CPNE4: variants seen among roughly 807,000 people sequenced by gnomAD.
CPNE4 encodes the protein copine 4.
In CPNE4, 25 loss-of-function variants were observed where a neutral mutation model predicts 67.9. The observed-to-expected ratio is 0.37, with a 90% CI of 0.27 to 0.51. The LOEUF is 0.51. Ranked by LOEUF, CPNE4 falls within the 20% of genes least tolerant of loss-of-function variation. The pLI is 0.93. For synonymous variants in CPNE4, 242 were observed against 244.9 expected, an observed-to-expected ratio of 0.99 and a Z score of 0.11; for missense variants, 464 against 690.8, an observed-to-expected ratio of 0.67 and a Z score of 3.68.
intron 7 of CPNE4, among the ~76,000 whole-genome samples, chr3:131,594,724 G>A (rs937441053): frequency 1.3e-5 from 2 of 152,068 alleles, no homozygotes; most frequent in Non-Finnish European, 2.9e-5. Flanking sequence ...AAAAAGCTTC[G>A]GCACAGAAAG....
At chr3:131,773,908 A>C (rs2083230752) in intron 2 of CPNE4, among the ~76,000 whole-genome samples, 1 of 152,178 alleles carries the variant, frequency 6.6e-6, no homozygotes, top group African/African-American at 2.4e-5. Context: ...TTAATACTGT[A>C]TTAAGTTTCT....
In CPNE4 at chr3:131,619,737, C is replaced by T. The variant is rs1940360316; in HGVS notation, c.682-32155G>A. 3.3e-5 allele frequency among the ~76,000 whole-genome samples: 5 copies of T among 152,084 alleles called. No individual in the cohort carries two copies. The South Asian group carries it at 1.0e-3, about 32-fold the overall frequency. Reference sequence around the variant, plus strand: ...TTATTACACACTTAGATTCCAAAGCCCTTGCCAAGACTTAGAATAAGAATT... The same window carrying T: ...TTATTACACACTTAGATTCCAAAGCTCTTGCCAAGACTTAGAATAAGAATT... On this transcript the variant is annotated intron_variant, in intron 7 of 15. Transcript: ENST00000429747.
chr3:131,685,361 G>A (rs1397935791), intron 6 of CPNE4, among the ~76,000 whole-genome samples: 1 of 151,752 alleles, frequency 6.6e-6, no homozygotes, highest in Non-Finnish European at 1.5e-5. Context: ...AATAGAAATT[G>A]GGGTTAGAAA....
intron 2 of CPNE4, among the ~76,000 whole-genome samples, chr3:131,852,637 T>A (rs955118580): frequency 6.6e-6 from 1 of 151,752 alleles, no homozygotes; most frequent in Non-Finnish European, 1.5e-5. Context: ...CTCCATCTTT[T>A]CAATAGTGTA....
chr3:131,746,172 A>T (rs190938428), intron 2 of CPNE4, among the ~76,000 whole-genome samples: 1 of 152,274 alleles, frequency 6.6e-6, no homozygotes, highest in African/African-American at 2.4e-5. Flanking sequence ...GTACATATTT[A>T]TGGGGTACAA....
At chr3:131,655,431 C>T (rs557769645) in intron 7 of CPNE4, among the ~76,000 whole-genome samples, 2 of 152,250 alleles carry the variant, frequency 1.3e-5, no homozygotes, top group South Asian at 4.2e-4. Context: ...TTGGGAGTAG[C>T]AGGGGTGATT....
Position 131,796,467 on chromosome 3 carries a change from C to T in CPNE4, c.181-72842G>A, listed in dbSNP as rs76689829. On this transcript the variant is annotated intron_variant, in intron 2 of 15. Coordinates refer to ENST00000429747, the MANE Select transcript of CPNE4 (RefSeq NM_130808.3). ...GAGCACACAACCACCTCACAGCTTT[C>T]TGCAAAGAGGACATGTTGTATAAGT... Among the ~76,000 whole-genome samples, 1,066 of 152,298 alleles carry T rather than the reference C, an allele frequency of 7.0e-3. 11 individuals carry two copies. The highest frequency in any genetic ancestry group is 0.024 in the African/African-American group (1,016 of 41,552).
intron 10 of CPNE4, among the ~76,000 whole-genome samples, chr3:131,571,270 C>T (rs757230300): frequency 2.2e-4 from 33 of 152,034 alleles, no homozygotes; most frequent in Non-Finnish European, 3.5e-4. Flanking sequence ...GCCCCTCTTT[C>T]CTCTGCTGCC....
intron 7 of CPNE4, among the ~76,000 whole-genome samples, chr3:131,601,290 C>A (rs963098235): frequency 2.0e-5 from 3 of 152,074 alleles, no homozygotes; most frequent in African/African-American, 7.2e-5. Flanking sequence ...TACACACACA[C>A]GTTTTTTTAT....
intron 7 of CPNE4, among the ~76,000 whole-genome samples, chr3:131,616,130 G>A (rs550143359): frequency 4.5e-4 from 69 of 152,218 alleles, no homozygotes; most frequent in African/African-American, 1.7e-3. Context: ...GAGGTGACTT[G>A]ATGTAGAAGT....
chr3:131,760,965 T>TA (rs2082872036), intron 2 of CPNE4, among the ~76,000 whole-genome samples: 2 of 152,060 alleles, frequency 1.3e-5, no homozygotes, highest in Admixed American at 6.6e-5. Context: ...AGCGGCTGGA[T>TA]AAAGAATTCC....
chr3:131,933,758 T>C (rs1205068163), intron 1 of CPNE4, among the ~76,000 whole-genome samples: 2 of 151,066 alleles, frequency 1.3e-5, no homozygotes, highest in Non-Finnish European at 2.9e-5. Flanking sequence ...GAGGACATTA[T>C]GCTAAGTGAA....
intron 2 of CPNE4, among the ~76,000 whole-genome samples, chr3:131,815,515 C>T (rs1183771750): frequency 6.6e-6 from 1 of 152,156 alleles, no homozygotes; most frequent in Admixed American, 6.5e-5. Flanking sequence ...TTTAGTATGT[C>T]ATGGAGTACT....
intron 2 of CPNE4, among the ~76,000 whole-genome samples, chr3:131,874,761 ATGAAAT>A (rs1377977610): frequency 6.6e-6 from 1 of 152,234 alleles, no homozygotes; most frequent in Non-Finnish European, 1.5e-5. Context: ...TGGTAAAAAA[ATGAAAT>A]TTAAACATTC....
Position 131,894,593 on chromosome 3 carries a change from A to T in CPNE4, c.180+10671T>A, listed in dbSNP as rs546223797. Among the ~76,000 whole-genome samples, 3 of 152,132 alleles carry T rather than the reference A, an allele frequency of 2.0e-5. No individual in the cohort carries two copies. The East Asian group carries it at 5.8e-4, about 29-fold the overall frequency. The stretch of plus-strand genomic sequence containing the variant: ...TTTCTCAAAAGAAGACATACATATG[A>T]TGAACCAGCAAATTTTTAAAATGTT... On this transcript the variant is annotated intron_variant, in intron 2 of 15. Transcript: ENST00000429747.
intron 9 of CPNE4, among the ~76,000 whole-genome samples, chr3:131,577,178 T>A (rs1937571579): frequency 6.6e-6 from 1 of 152,160 alleles, no homozygotes; most frequent in Non-Finnish European, 1.5e-5. Flanking sequence ...GACCAATTAC[T>A]CTTTTCCTTC....
At chr3:131,746,739 G>A (rs957240406) in intron 2 of CPNE4, among the ~76,000 whole-genome samples, 8 of 152,276 alleles carry the variant, frequency 5.3e-5, no homozygotes, top group African/African-American at 1.9e-4. Context: ...AGATAGGAGT[G>A]CAGATATCTC....
chr3:132,016,939 C>A (rs1484281013), intron 1 of CPNE4, among the ~76,000 whole-genome samples: 1 of 152,166 alleles, frequency 6.6e-6, no homozygotes, highest in Non-Finnish European at 1.5e-5. Flanking sequence ...AGAGTGAAGT[C>A]CATCACTATT....
At chr3:131,636,142 C>A (rs2079378811) in intron 7 of CPNE4, among the ~76,000 whole-genome samples, 1 of 151,594 alleles carries the variant, frequency 6.6e-6, no homozygotes, top group Admixed American at 6.6e-5. Context: ...ATCCACAGAC[C>A]CTTTGAAGGA....
Sources: gnomAD v4.1 joint callset for allele counts (sites outside exome capture counted in the v4.1 genomes callset) on GRCh38, gnomAD v4.1.1 for gene constraint, MANE v1.5 for transcripts, NCBI Gene and HGNC (gene_info 2026-07-23, HGNC 2026-07-21) for gene names.